The following TBC1D32 variants were observed in gnomAD, a reference collection of about 807,000 sequenced individuals.
TBC1D32 encodes TBC1 domain family member 32.
In TBC1D32, 151 loss-of-function variants were observed where a neutral mutation model predicts 170.3. That is an observed-to-expected ratio of 0.89 (90% CI 0.78 to 1.01). The LOEUF is 1.01. Ranked by LOEUF, TBC1D32 falls within the 50% of genes least tolerant of loss-of-function variation. The pLI is 0.00. For synonymous variants in TBC1D32, 498 were observed against 488.0 expected, an observed-to-expected ratio of 1.02 and a Z score of -0.27; for missense variants, 1,464 against 1,457.1, an observed-to-expected ratio of 1.00 and a Z score of -0.08.
At chr6:121,092,410 T>G (rs964065471) in intron 30 of TBC1D32, among the ~76,000 whole-genome samples, 1 of 150,666 alleles carries the variant, frequency 6.6e-6, no homozygotes. Flanking sequence ...CAAAATTTCC[T>G]TTTGTTTTCT....
intron 22 of TBC1D32, among the ~76,000 whole-genome samples, chr6:121,198,209 T>A (rs1791020246): frequency 8.0e-6 from 1 of 125,716 alleles, no homozygotes; most frequent in African/African-American, 2.7e-5. Flanking sequence ...TTTTATATAT[T>A]ATATATATGT....
intron 30 of TBC1D32, among the ~76,000 whole-genome samples, chr6:121,105,266 C>T (rs1434559995): frequency 6.6e-6 from 1 of 151,502 alleles, no homozygotes; most frequent in African/African-American, 2.4e-5. Flanking sequence ...AACCAAATAC[C>T]CAAACATGAA....
At chr6:121,158,999 A>G (rs1187610662) in intron 24 of TBC1D32, among the ~76,000 whole-genome samples, 5 of 152,126 alleles carry the variant, frequency 3.3e-5, no homozygotes, top group Non-Finnish European at 2.9e-5. Flanking sequence ...AATCTCAGAC[A>G]TTGTTCAACT....
chr6:121,191,767 C>T lies in TBC1D32; in HGVS notation c.2570+13308G>A, dbSNP rs1215433959. On this transcript the variant is annotated intron_variant, in intron 22 of 31. Coordinates refer to ENST00000398212, the MANE Select transcript of TBC1D32 (RefSeq NM_152730.6). ...CCTGGTGTGTCTGTGAGGGTGTTGC[C>T]GATGGAGATGAACATTTGAGTCAGT... is the stretch of plus-strand genomic sequence containing the variant. 3.3e-5 allele frequency among the ~76,000 whole-genome samples: 5 copies of T among 152,084 alleles called. No homozygotes were observed. The Middle Eastern group carries it at 0.014, about 414-fold the overall frequency.
rs534470008 is a variant in TBC1D32, at chr6:121,251,134, T to C, written c.2018+4194A>G. On this transcript the variant is annotated intron_variant, in intron 17 of 31. Transcript: ENST00000398212. The stretch of plus-strand genomic sequence containing the variant: ...GCTCATGAATAGGAAGAATCAATAT[T>C]GTGAAAATGGTCATACTGCCCAAAG... 1.8e-4 allele frequency among the ~76,000 whole-genome samples: 28 copies of C among 152,110 alleles called. No homozygotes were observed. The East Asian group carries it at 5.4e-3, about 29-fold the overall frequency.
At position 121,112,941 on chromosome 6, in the gene TBC1D32, C is replaced by A. The variant is rs1271804349; in HGVS notation, c.3169+121G>T. ...AAAATACTGTAAGAATATATCATAACAAATCACTAATATAGCTTAAAGTAC... is the reference window on the plus strand; with the variant it reads ...AAAATACTGTAAGAATATATCATAAAAAATCACTAATATAGCTTAAAGTAC... On this transcript the variant is annotated intron_variant, in intron 28 of 31. Coordinates refer to ENST00000398212, the MANE Select transcript of TBC1D32 (RefSeq NM_152730.6). The A allele has an allele frequency of 5.5e-6, 4 of 729,896 alleles. No homozygotes were observed. The East Asian group carries it at 8.5e-5, about 16-fold the overall frequency. The allele number at this position is 729,896 out of a possible 1,614,324, so 45.2% of individuals were successfully genotyped here.
In TBC1D32 at chr6:121,112,490, A is replaced by G. The variant is rs753732372; in HGVS notation, c.3324+15T>C. On this transcript the variant is annotated intron_variant, in intron 29 of 31. Coordinates refer to ENST00000398212, the MANE Select transcript of TBC1D32 (RefSeq NM_152730.6). ...AAATTTCAAACCCTCCTTTAAAAAC[A>G]GATTGAAGTCTTACAGAAATATGTA... 2.5e-6 allele frequency: 4 copies of G among 1,588,190 alleles called. No homozygotes were observed. Among genetic ancestry groups the G allele is most frequent in the Middle Eastern group, 3.4e-4 (2 of 5,928 alleles).
chr6:121,257,758 G>A (rs1799235360), intron 15 of TBC1D32, among the ~76,000 whole-genome samples: 2 of 151,690 alleles, frequency 1.3e-5, no homozygotes, highest in African/African-American at 4.8e-5. Context: ...TCAATCCATT[G>A]CAGTCATTAT....
intron 10 of TBC1D32, among the ~76,000 whole-genome samples, chr6:121,298,600 T>C (rs1016916209): frequency 4.6e-5 from 7 of 152,262 alleles, no homozygotes; most frequent in Admixed American, 3.3e-4. Context: ...TCAATTTCTT[T>C]AAAAATTTTG....
Position 121,320,059 on chromosome 6 carries a change from T to A in TBC1D32, c.317+1574A>T, listed in dbSNP as rs142277921. The stretch of plus-strand genomic sequence containing the variant: ...GGAATAGTGTATATTATATAGATCC[T>A]ACAAATGAATTCTTCTGTGTGCAAA... On this transcript the variant is annotated intron_variant, in intron 2 of 31. Coordinates refer to ENST00000398212, the MANE Select transcript of TBC1D32 (RefSeq NM_152730.6). 3.2e-4 allele frequency among the ~76,000 whole-genome samples: 49 copies of A among 152,166 alleles called. No homozygotes were observed. In the East Asian group the frequency reaches 3.5e-3, roughly 11 times the overall value.
intron 24 of TBC1D32, among the ~76,000 whole-genome samples, chr6:121,150,476 G>C (rs1488099349): frequency 6.6e-6 from 1 of 152,120 alleles, no homozygotes; most frequent in East Asian, 1.9e-4. Flanking sequence ...TTTTTGTTGT[G>C]TCTCTGCCAG....
intron 1 of TBC1D32, among the ~76,000 whole-genome samples, chr6:121,329,203 C>T (rs745472501): frequency 1.3e-5 from 2 of 150,818 alleles, no homozygotes; most frequent in Non-Finnish European, 2.9e-5. Flanking sequence ...CTATATTTCC[C>T]AAAAAAATGC....
intron 22 of TBC1D32, among the ~76,000 whole-genome samples, chr6:121,161,648 G>C (rs557626410): frequency 2.0e-4 from 31 of 152,280 alleles, no homozygotes; most frequent in African/African-American, 7.5e-4. Flanking sequence ...ATGAACATAA[G>C]TGTGCCTGTA....
chr6:121,307,910 T>C, intron 5 of TBC1D32, 66 bp downstream of exon 5: 1 of 1,506,276 alleles, frequency 6.6e-7, no homozygotes, highest in Non-Finnish European at 9.0e-7. Flanking sequence ...AACTATCATA[T>C]TCTATTTATT....
chr6:121,124,372 T>C (rs1780606892), intron 26 of TBC1D32, among the ~76,000 whole-genome samples: 1 of 152,152 alleles, frequency 6.6e-6, no homozygotes, highest in Non-Finnish European at 1.5e-5. Context: ...CTACTCATTC[T>C]TGTCCTGTAA....
chr6:121,118,571 C>G (rs1188300310), intron 26 of TBC1D32, among the ~76,000 whole-genome samples: 1 of 152,144 alleles, frequency 6.6e-6, no homozygotes, highest in Admixed American at 6.6e-5. Flanking sequence ...TCTATTCTGC[C>G]TGGCACCTAA....
At chr6:121,283,370 G>A (rs61047660) in intron 13 of TBC1D32, among the ~76,000 whole-genome samples, 16,114 of 151,620 alleles carry the variant, frequency 0.11, 1,598 homozygotes, top group African/African-American at 0.26. Context: ...AAACATGAAC[G>A]GTTTTTTCTT....
At chr6:121,212,046 T>A (rs1055337739) in intron 21 of TBC1D32, among the ~76,000 whole-genome samples, 7 of 151,470 alleles carry the variant, frequency 4.6e-5, no homozygotes, top group Admixed American at 3.3e-4. Flanking sequence ...GGGACGTAGT[T>A]ACTGACCTAA....
intron 15 of TBC1D32, among the ~76,000 whole-genome samples, chr6:121,262,699 A>G (rs1360294359): frequency 6.6e-6 from 1 of 151,914 alleles, no homozygotes; most frequent in Non-Finnish European, 1.5e-5. Flanking sequence ...CTGGTCTCGA[A>G]CTCCTGACCT....
Sources: allele counts gnomAD v4.1 joint callset (sites outside exome capture counted in the v4.1 genomes callset), GRCh38; gene constraint gnomAD v4.1.1; transcripts MANE v1.5; gene names NCBI Gene and HGNC (gene_info 2026-07-23, HGNC 2026-07-21).